CD36: variants seen among roughly 807,000 people sequenced by gnomAD.
The protein encoded by CD36 is CD36 molecule (CD36 blood group), also known as platelet glycoprotein 4.
In CD36, 119 loss-of-function variants were observed where a neutral mutation model predicts 55.2. The observed-to-expected ratio is 2.15, with a 90% CI of 1.86 to 2.51. The LOEUF is 2.51. Ranked by LOEUF, CD36 falls within the 30% of genes most tolerant of loss-of-function variation. The pLI is 0.00. For synonymous variants in CD36, 186 were observed against 193.6 expected, an observed-to-expected ratio of 0.96 and a Z score of 0.33; for missense variants, 819 against 555.5, an observed-to-expected ratio of 1.47 and a Z score of -4.77.
chr7:80,636,766 T>C (rs1042930098), upstream of CD36: 3 of 152,114 alleles, frequency 2.0e-5, no homozygotes, highest in East Asian at 1.9e-4. Flanking sequence ...TGCTATGTTA[T>C]TGTTTAAGGT....
At chr7:80,631,310 A>C (rs1794061707) in intron 1 of CD36, among the ~76,000 whole-genome samples, 3 of 152,160 alleles carry the variant, frequency 2.0e-5, no homozygotes, top group Admixed American at 2.0e-4. Flanking sequence ...GGCAGGGCTC[A>C]TGATAACTAA....
intron 1 of CD36, among the ~76,000 whole-genome samples, chr7:80,629,178 G>A (rs140143492): frequency 2.5e-3 from 378 of 152,140 alleles, no homozygotes; most frequent in African/African-American, 8.9e-3. Flanking sequence ...AGGTGGATCA[G>A]ATTGCTGGCT....
In CD36 at chr7:80,674,007, GCAAACATGTTCAGAAGT is replaced by G. The variant is rs1562828283; in HGVS notation, c.1283_1299del (p.Asn428SerfsTer120). ...GACTGGGACCATTGGTGATGAGAAG[GCAAACATGTTCAGAAGT>G]CAAGTAACTGGAAAAATAAACCTCC... On this transcript the variant is annotated frameshift_variant, in exon 14 of 15. Coordinates refer to ENST00000447544, the MANE Select transcript of CD36 (RefSeq NM_001001548.3). LOFTEE classifies it high-confidence loss of function. The G allele has an allele frequency of 1.2e-6, 2 of 1,611,820 alleles. No individual in the cohort carries two copies. The highest frequency in any genetic ancestry group is 2.7e-5 in the African/African-American group (2 of 74,828).
At chr7:80,660,016 C>T (rs1796398946) in intron 4 of CD36, among the ~76,000 whole-genome samples, 1 of 152,102 alleles carries the variant, frequency 6.6e-6, no homozygotes, top group Non-Finnish European at 1.5e-5. Flanking sequence ...TCATAAACCC[C>T]TACCCTGTAG....
At chr7:80,616,116 A>G (rs1224741008) in intron 1 of CD36, among the ~76,000 whole-genome samples, 1 of 152,124 alleles carries the variant, frequency 6.6e-6, no homozygotes, top group Non-Finnish European at 1.5e-5. Context: ...TTAGGGTTAT[A>G]TCCCAATAAA....
rs1299297251 is a variant in CD36, at chr7:80,670,964, T to A, written c.819-13T>A. The A allele has an allele frequency of 1.3e-6, 2 of 1,596,996 alleles. No individual in the cohort carries two copies. The highest frequency in any genetic ancestry group is 3.3e-5 in the Admixed American group (2 of 59,864). ...AGGTTCCTGGAATGCAGCTCTTTTT[T>A]CTCTGTATTTAGGTCAATCTATGCT... On this transcript the variant is annotated splice_polypyrimidine_tract_variant and intron_variant, in intron 9 of 14. Coordinates refer to ENST00000447544, the MANE Select transcript of CD36 (RefSeq NM_001001548.3).
chr7:80,671,012 TG>T lies in CD36; in HGVS notation c.855del (p.Gly287GlufsTer42), dbSNP rs558115067. 74 of 1,613,512 alleles carry T rather than the reference TG, an allele frequency of 4.6e-5. 1 individual carries two copies. In the African/African-American group the frequency reaches 9.3e-4, roughly 20 times the overall value. On this transcript the variant is annotated frameshift_variant, in exon 10 of 15. Coordinates refer to ENST00000447544, the MANE Select transcript of CD36 (RefSeq NM_001001548.3). LOFTEE classifies it high-confidence loss of function. Reference sequence around the variant, plus strand: ...GCTGTATTTGAATCCGACGTTAATCTGAAAGGAATCCCTGTGTATAGATTTG... The same window carrying T: ...GCTGTATTTGAATCCGACGTTAATCTAAAGGAATCCCTGTGTATAGATTTG... ...IYAVFESDVN[L>X]KGIPVYRFVL... is the part of the protein sequence containing the mutation.
At chr7:80,612,747 T>C (rs1792943611) in intron 1 of CD36, among the ~76,000 whole-genome samples, 1 of 152,166 alleles carries the variant, frequency 6.6e-6, no homozygotes. Context: ...ACAGATATAA[T>C]TGTATGTATT....
At position 80,661,228 on chromosome 7, in the gene CD36, A is replaced by C. The variant is rs758191559; in HGVS notation, c.429+18A>C. The C allele has an allele frequency of 3.9e-5, 62 of 1,608,798 alleles. No individual in the cohort carries two copies. Among genetic ancestry groups the C allele is most frequent in the East Asian group, 4.5e-5 (2 of 44,778 alleles). ...CTGTGGCAGTGAGTAGACAAACAACAAAGTTATCTATTTTAAAATACTCTA... is the reference window on the plus strand; with the variant it reads ...CTGTGGCAGTGAGTAGACAAACAACCAAGTTATCTATTTTAAAATACTCTA... On this transcript the variant is annotated intron_variant, in intron 5 of 14. Transcript: ENST00000447544.
At chr7:80,628,871 G>A (rs1354894013) in intron 1 of CD36, among the ~76,000 whole-genome samples, 1 of 151,988 alleles carries the variant, frequency 6.6e-6, no homozygotes, top group African/African-American at 2.4e-5. Context: ...AGTTGGCAGG[G>A]GGTCCCAGGT....
rs3212017 is a variant in CD36 at position 80,671,902 on chromosome 7, C to T, written c.1007-20C>T. ...GAAGGAAGTTATTAATTCCAATTGA[C>T]TCTTAAAACTTGTCTTCAGGGAGAC... On this transcript the variant is annotated intron_variant, in intron 10 of 14. Transcript: ENST00000447544. 1 of 1,606,392 alleles carries T rather than the reference C, an allele frequency of 6.2e-7. No individual in the cohort carries two copies. Among genetic ancestry groups the T allele is most frequent in the Non-Finnish European group, 8.5e-7 (1 of 1,174,246 alleles).
chr7:80,635,518 G>T (rs935993347), upstream of CD36, among the ~76,000 whole-genome samples: 1 of 151,920 alleles, frequency 6.6e-6, no homozygotes, highest in Admixed American at 6.6e-5. Flanking sequence ...CAAGTGATCC[G>T]CCCACCTCAG....
At chr7:80,658,142 A>G (rs906175763) in intron 4 of CD36, among the ~76,000 whole-genome samples, 2 of 152,206 alleles carry the variant, frequency 1.3e-5, no homozygotes, top group African/African-American at 4.8e-5. Flanking sequence ...TTGTCAATGA[A>G]GACTTAGTTT....
intron 1 of CD36, among the ~76,000 whole-genome samples, chr7:80,604,550 T>C (rs1006420998): frequency 2.6e-5 from 4 of 151,562 alleles, no homozygotes; most frequent in African/African-American, 4.8e-5. Context: ...AAAGATGTTT[T>C]GAAACATACT....
intron 7 of CD36, 187 bp from the exon 8 acceptor site, chr7:80,666,256 A>G (rs1797081162): frequency 1.8e-6 from 1 of 550,690 alleles, no homozygotes; most frequent in Non-Finnish European, 3.2e-6. Context: ...TAATGGCATC[A>G]GGTACATTGC....
At chr7:80,604,390 T>C (rs199815843) in intron 1 of CD36, among the ~76,000 whole-genome samples, 3 of 109,642 alleles carry the variant, frequency 2.7e-5, no homozygotes, top group East Asian at 2.8e-4. Context: ...TTTTTTTTTT[T>C]AGCAAAGTAT....
At chr7:80,613,210 A>G (rs1434680845) in intron 1 of CD36, among the ~76,000 whole-genome samples, 5 of 152,110 alleles carry the variant, frequency 3.3e-5, no homozygotes, top group African/African-American at 1.2e-4. Context: ...TTTACATTAT[A>G]CATATATGCT....
chr7:80,631,126 G>A (rs1024610904), intron 1 of CD36, among the ~76,000 whole-genome samples: 1 of 151,926 alleles, frequency 6.6e-6, no homozygotes, highest in Admixed American at 6.6e-5. Flanking sequence ...TCTTTTGAGA[G>A]TGACATTCTG....
At chr7:80,620,622 C>G (rs1022161372) in intron 1 of CD36, among the ~76,000 whole-genome samples, 13 of 152,064 alleles carry the variant, frequency 8.5e-5, no homozygotes, top group African/African-American at 3.1e-4. Flanking sequence ...CTTCAGCATT[C>G]CTTCCCCCAG....
Sources: gnomAD v4.1 joint callset for allele counts (sites outside exome capture counted in the v4.1 genomes callset) on GRCh38, gnomAD v4.1.1 for gene constraint, MANE v1.5 for transcripts, NCBI Gene and HGNC (gene_info 2026-07-23, HGNC 2026-07-21) for gene names.